The following ZAN variants were observed in gnomAD, a reference collection of about 807,000 sequenced individuals.
The protein encoded by ZAN is zonadhesin.
Under a neutral mutation model 286.2 loss-of-function variants are expected in ZAN, and 260 were observed. The ratio of observed to expected loss-of-function variants is 0.91; its 90% CI spans 0.82 to 1.01. The LOEUF (loss-of-function observed/expected upper bound fraction) is 1.01. Ranked by LOEUF, ZAN falls within the 50% of genes least tolerant of loss-of-function variation. ZAN has a pLI of 0.00. For synonymous variants in ZAN, 1,368 were observed against 1,417.5 expected (o/e 0.97, Z 0.79); for missense variants, 3,410 against 3,639.2 (o/e 0.94, Z 1.62).
intron 22 of ZAN, 53 bp from the exon 23 acceptor site, chr7:100,765,299 C>T: frequency 6.3e-7 from 1 of 1,589,514 alleles, no homozygotes; most frequent in Non-Finnish European, 8.6e-7. Context: ...TGTTTCCCAC[C>T]CAGCCCCGTG....
chr7:100,786,104 C>G lies in ZAN; in HGVS notation c.6942C>G (p.Leu2314=), dbSNP rs772043969. 1 of 1,613,962 alleles carries G rather than the reference C, an allele frequency of 6.2e-7. No individual in the cohort carries two copies. The highest frequency in any genetic ancestry group is 8.5e-7 in the Non-Finnish European group (1 of 1,179,872). The change falls in exon 37 of 48, where the codon CTC becomes CTG. Residue 2314 remains leucine (L), a synonymous_variant. Transcript: ENST00000613979. The part of the protein sequence containing the change: ...FRCPSGSHCQ[L]TSDNSNSNCV... ...GCCCCTCTGGGTCCCACTGCCAGCT[C>G]ACTTCCGACAACAGCAACAGCAATT...
At chr7:100,745,411 C>G (rs1213586465) in intron 7 of ZAN, among the ~76,000 whole-genome samples, 4 of 151,688 alleles carry the variant, frequency 2.6e-5, no homozygotes, top group Admixed American at 2.0e-4. Context: ...GAGTGGCAGC[C>G]GCTTACATTT....
intron 27 of ZAN, among the ~76,000 whole-genome samples, chr7:100,769,442 G>T (rs1012014697): frequency 3.3e-5 from 5 of 151,932 alleles, no homozygotes; most frequent in African/African-American, 1.2e-4. Context: ...CAGGCCCTCA[G>T]GTCTTGTCTT....
intron 45 of ZAN, among the ~76,000 whole-genome samples, chr7:100,796,421 C>CTTTTTT (rs144829996): frequency 8.3e-6 from 1 of 120,426 alleles, no homozygotes. Flanking sequence ...CAGGAATCTG[C>CTTTTTT]TTTTTTTTTT....
intron 36 of ZAN, 119 bp downstream of exon 36, chr7:100,784,953 A>G: frequency 8.4e-7 from 1 of 1,194,862 alleles, no homozygotes; most frequent in South Asian, 1.6e-5. Context: ...GGGGGTGTGA[A>G]GGCTGGTGTG....
chr7:100,766,604 G>A lies in ZAN; in HGVS notation c.4550G>A (p.Trp1517Ter), dbSNP rs1291157674. The change falls in exon 24 of 48, where the codon TGG (tryptophan) becomes TAG (stop). Residue 1517 changes from tryptophan (W) to a stop codon, truncating the protein, a stop_gained. Transcript: ENST00000613979. LOFTEE classifies it high-confidence loss of function. ...AACAACAGAATTCGCTGCCAGCCCT[G>A]GAGGTGTAGGGCCCAGGAGTTCTGT... ...ESNNRIRCQP[W>*]RCRAQEFCGQ... 1.3e-6 allele frequency: 2 copies of A among 1,556,648 alleles called. No individual in the cohort carries two copies. The highest frequency in any genetic ancestry group is 1.7e-6 in the Non-Finnish European group (2 of 1,149,996).
At position 100,748,205 on chromosome 7, in the gene ZAN, T is replaced by C; in HGVS notation, c.1092T>C (p.Ala364=). 6.2e-7 allele frequency: 1 copy of C among 1,613,830 alleles called. No homozygotes were observed. The highest frequency in any genetic ancestry group is 8.5e-7 in the Non-Finnish European group (1 of 1,179,854). ...PAVAVDATSI[A]PCGEGFPQCD... is the part of the protein sequence containing the mutation. ...TGGCAGTTGATGCAACCAGCATTGC[T>C]CCTTGTGGGGGTGAGAGCAGGCCCT... Residue 364 remains alanine (A), a synonymous_variant, in exon 10 of 48, where the codon GCT becomes GCC. Transcript: ENST00000613979.
rs567757062 is a variant in ZAN, at chr7:100,780,471, C to T, written c.6622+721C>T. 1.1e-4 allele frequency among the ~76,000 whole-genome samples: 17 copies of T among 151,592 alleles called. No homozygotes were observed. In the South Asian group the frequency reaches 2.3e-3, roughly 21 times the overall value. The stretch of plus-strand genomic sequence containing the variant: ...GGTGGATTGCTTGAAACCAGGAGTT[C>T]GAGACCAGCCTGGGCAACATAGTGA... On this transcript the variant is annotated intron_variant, in intron 35 of 47. Transcript: ENST00000613979.
chr7:100,791,874 G>A (rs369097094), intron 40 of ZAN, 92 bp from the exon 41 acceptor site: 1 of 1,433,768 alleles, frequency 7.0e-7, no homozygotes, highest in Non-Finnish European at 9.3e-7. Context: ...ACTCCAGGCA[G>A]CCACCACCAT....
In ZAN at chr7:100,735,717, A is replaced by G; in HGVS notation, c.54-3A>G. ...TTTTTGCTTTCTTCAAACGACCCCC[A>G]AGGAAAGAGAAGCCTCCGGACCAGA... On this transcript the variant is annotated splice_polypyrimidine_tract_variant and splice_region_variant and intron_variant, in intron 2 of 47. Transcript: ENST00000613979. The G allele has an allele frequency of 1.3e-6, 2 of 1,506,634 alleles. 1 individual carries two copies. Among genetic ancestry groups the G allele is most frequent in the Non-Finnish European group, 1.8e-6 (2 of 1,098,858 alleles). 93.3% of individuals were successfully genotyped at this position (1,506,634 alleles called of 1,614,324 possible). A position where few individuals can be genotyped will look rare whatever the true frequency, so the allele number is the denominator to read the frequency against.
chr7:100,795,407 A>C, intron 45 of ZAN, 71 bp downstream of exon 45: 1 of 1,381,982 alleles, frequency 7.2e-7, no homozygotes, highest in South Asian at 1.8e-5. Flanking sequence ...ATGATTCTAT[A>C]TGTATTATAT....
chr7:100,794,392 G>A (rs1235230368), intron 44 of ZAN, 134 bp downstream of exon 44: 5 of 1,413,062 alleles, frequency 3.5e-6, no homozygotes, highest in Non-Finnish European at 4.7e-6. Context: ...TTTGTAGGGA[G>A]GGACAAAGGA....
In ZAN at chr7:100,768,624, A is replaced by C. The variant is rs1584598336; in HGVS notation, c.5056A>C (p.Asn1686His). The change falls in exon 27 of 48, where the codon AAC becomes CAC. Residue 1686 changes from asparagine to histidine, a missense_variant. Physicochemically the swap from Asn to His is moderately conservative, Grantham distance 68. Transcript: ENST00000613979. ...CCCTCCTCTAGGGAACTACAACAACAACAGCTTGGATGACAACCTGCGCCC... is the reference window on the plus strand; with the variant it reads ...CCCTCCTCTAGGGAACTACAACAACCACAGCTTGGATGACAACCTGCGCCC... ...LCGLCGNYNNNSLDDNLRPDR... is the reference protein window; with the variant it reads ...LCGLCGNYNNHSLDDNLRPDR... 6.2e-7 allele frequency: 1 copy of C among 1,609,534 alleles called. No homozygotes were observed. The highest frequency in any genetic ancestry group is 1.1e-5 in the South Asian group (1 of 90,154).
intron 11 of ZAN, among the ~76,000 whole-genome samples, chr7:100,749,349 T>C (rs1197899004): frequency 2.0e-5 from 3 of 150,850 alleles, no homozygotes; most frequent in South Asian, 4.2e-4. Flanking sequence ...CTTAAAAATA[T>C]ATAAAAAGAG....
chr7:100,763,527 T>G lies in ZAN; in HGVS notation c.3987-279T>G, dbSNP rs1191933573. 6.6e-6 allele frequency among the ~76,000 whole-genome samples: 1 copy of G among 152,110 alleles called. No individual in the cohort carries two copies. The highest frequency in any genetic ancestry group is 1.5e-5 in the Non-Finnish European group (1 of 68,008). ...GCTGGGGCTATGGACGTGCGCCATA[T>G]GAAATATGAAATAAATAATTTCATA... On this transcript the variant is annotated intron_variant, in intron 20 of 47. Transcript: ENST00000613979. The surrounding 1 kb of genome is among the most constrained non-coding windows in gnomAD (Gnocchi z 4.6).
intron 25 of ZAN, among the ~76,000 whole-genome samples, chr7:100,767,469 T>C (rs1810069455): frequency 9.1e-6 from 1 of 110,386 alleles, no homozygotes; most frequent in African/African-American, 3.8e-5. Flanking sequence ...TTTTTGCCGT[T>C]TTTTTTTTTT....
At chr7:100,797,053 T>A (rs1383770379) in intron 45 of ZAN, among the ~76,000 whole-genome samples, 1 of 151,502 alleles carries the variant, frequency 6.6e-6, no homozygotes, top group Non-Finnish European at 1.5e-5. Context: ...AGGGGGAGGA[T>A]TGCTTGAGCC....
chr7:100,789,466 C>A, intron 39 of ZAN, 119 bp downstream of exon 39: 2 of 1,477,628 alleles, frequency 1.4e-6, no homozygotes, highest in Non-Finnish European at 1.8e-6. Context: ...GGGCACCCAG[C>A]TTCAGAGGAG....
In ZAN at chr7:100,752,215, A is replaced by G. The variant is rs761614132; in HGVS notation, c.2110A>G (p.Ile704Val). 6.2e-7 allele frequency: 1 copy of G among 1,611,494 alleles called. No individual in the cohort carries two copies. Among genetic ancestry groups the G allele is most frequent in the Non-Finnish European group, 8.5e-7 (1 of 1,179,344 alleles). The part of the protein sequence containing the change: ...EKPTISMEET[I>V]ISTEKPTISP... ...ACCCACCATCTCCATGGAAGAGACT[A>G]TCATCTCCACAGAAAAACCCACCAT... is the stretch of plus-strand genomic sequence containing the variant. The change falls in exon 14 of 48, where the codon ATC becomes GTC. Residue 704 changes from isoleucine (I) to valine (V), a missense_variant. Transcript: ENST00000613979.
Sources: allele counts gnomAD v4.1 joint callset (sites outside exome capture counted in the v4.1 genomes callset), GRCh38; gene constraint gnomAD v4.1.1; non-coding constraint Gnocchi (gnomAD v3.1); transcripts MANE v1.5; gene names NCBI Gene and HGNC (gene_info 2026-07-23, HGNC 2026-07-21).